Variants in TMEM108 observed in about 807,000 individuals in gnomAD.
TMEM108 encodes transmembrane protein 108.
Under a neutral mutation model 35.1 loss-of-function variants are expected in TMEM108, and 12 were observed. The observed-to-expected ratio is 0.34, with a 90% CI of 0.22 to 0.55. TMEM108 has a LOEUF of 0.55. Ranked by LOEUF, TMEM108 falls within the 20% of genes least tolerant of loss-of-function variation. The pLI is 0.89. For synonymous variants in TMEM108, 287 were observed against 308.6 expected (o/e 0.93, Z 0.73); for missense variants, 680 against 753.3 (o/e 0.90, Z 1.14).
intron 3 of TMEM108, among the ~76,000 whole-genome samples, chr3:133,244,117 G>A (rs997538309): frequency 2.6e-5 from 4 of 152,170 alleles, no homozygotes; most frequent in African/African-American, 9.7e-5. Context: ...TCAGTCATTG[G>A]TTAAGGGCAC....
intron 3 of TMEM108, among the ~76,000 whole-genome samples, chr3:133,326,388 A>C (rs1228421936): frequency 6.6e-6 from 1 of 152,188 alleles, no homozygotes; most frequent in Non-Finnish European, 1.5e-5. Context: ...CCAGGAGGCA[A>C]TTTGATATAA....
At chr3:133,315,551 G>C (rs1226894021) in intron 3 of TMEM108, among the ~76,000 whole-genome samples, 2 of 152,186 alleles carry the variant, frequency 1.3e-5, no homozygotes, top group Non-Finnish European at 2.9e-5. Flanking sequence ...TAAAGAGCCA[G>C]ACAAGATGGG....
chr3:133,261,088 G>A (rs1946616561), intron 3 of TMEM108, among the ~76,000 whole-genome samples: 1 of 152,180 alleles, frequency 6.6e-6, no homozygotes, highest in Non-Finnish European at 1.5e-5. Context: ...GTTGTGGTTA[G>A]AACACACGGA....
intron 3 of TMEM108, among the ~76,000 whole-genome samples, chr3:133,306,552 T>G (rs2071040774): frequency 6.6e-6 from 1 of 152,142 alleles, no homozygotes; most frequent in Admixed American, 6.5e-5. Flanking sequence ...GTGTGTGATG[T>G]TCACCGCCCT....
At chr3:133,243,238 TG>T (rs988918432) in intron 3 of TMEM108, among the ~76,000 whole-genome samples, 2 of 152,086 alleles carry the variant, frequency 1.3e-5, no homozygotes, top group Non-Finnish European at 2.9e-5. Context: ...TGAGAGTGGC[TG>T]GGCAGCTTGC....
chr3:133,370,209 T>G (rs2072618428), intron 3 of TMEM108, among the ~76,000 whole-genome samples: 1 of 149,246 alleles, frequency 6.7e-6, no homozygotes, highest in Admixed American at 6.7e-5. Context: ...GGATACCACA[T>G]TACATTTAGT....
At chr3:133,290,283 T>A (rs1410571685) in intron 3 of TMEM108, among the ~76,000 whole-genome samples, 1 of 152,166 alleles carries the variant, frequency 6.6e-6, no homozygotes, top group Non-Finnish European at 1.5e-5. Context: ...TCTCTCTCTT[T>A]TTTGTTTTCT....
At chr3:133,359,776 G>T (rs1377579527) in intron 3 of TMEM108, among the ~76,000 whole-genome samples, 1 of 152,086 alleles carries the variant, frequency 6.6e-6, no homozygotes, top group African/African-American at 2.4e-5. Flanking sequence ...AAAACAGTTT[G>T]GCAGTTTTTA....
chr3:133,345,144 C>T (rs2071777458), intron 3 of TMEM108, among the ~76,000 whole-genome samples: 1 of 151,720 alleles, frequency 6.6e-6, no homozygotes, highest in Non-Finnish European at 1.5e-5. Flanking sequence ...GCACACCCAA[C>T]AAACTTACAA....
intron 3 of TMEM108, among the ~76,000 whole-genome samples, chr3:133,289,313 A>C (rs2107693929): frequency 6.6e-6 from 1 of 152,264 alleles, no homozygotes; most frequent in Middle Eastern, 3.4e-3. Context: ...AGATGGGAAA[A>C]TTTGCCCAAG....
In TMEM108 at chr3:133,131,622, A is replaced by AT. The variant is rs368037378; in HGVS notation, c.-47+85604dup. ...CAACGGTTCTACTTCTGTCCCTCTC[A>AT]TTGGGCCTCCCTATTCCCTGAGACA... On this transcript the variant is annotated intron_variant, in intron 2 of 5. Coordinates refer to ENST00000321871, the MANE Select transcript of TMEM108 (RefSeq NM_023943.4). 4.8e-3 allele frequency among the ~76,000 whole-genome samples: 720 copies of AT among 151,214 alleles called. 7 individuals are homozygous for AT. The highest frequency in any genetic ancestry group is 0.016 in the African/African-American group (676 of 41,112).
chr3:133,365,563 T>G (rs1162368507), intron 3 of TMEM108, among the ~76,000 whole-genome samples: 1 of 152,182 alleles, frequency 6.6e-6, no homozygotes, highest in South Asian at 2.1e-4. Flanking sequence ...TCCCGCTCTC[T>G]AGGACATAGG....
intron 3 of TMEM108, among the ~76,000 whole-genome samples, chr3:133,263,388 G>A (rs554350222): frequency 1.3e-5 from 2 of 152,228 alleles, no homozygotes; most frequent in East Asian, 1.9e-4. Flanking sequence ...TGTTTGCTAC[G>A]TTTCTATTCT....
At chr3:133,054,293 C>G (rs1402006848) in intron 2 of TMEM108, among the ~76,000 whole-genome samples, 1 of 152,114 alleles carries the variant, frequency 6.6e-6, no homozygotes, top group Non-Finnish European at 1.5e-5. Context: ...GATTCTATCC[C>G]AGTGCTGAGT....
intron 2 of TMEM108, among the ~76,000 whole-genome samples, chr3:133,062,440 G>C (rs915756871): frequency 6.6e-6 from 1 of 152,200 alleles, no homozygotes; most frequent in African/African-American, 2.4e-5. Context: ...AATCAGGATA[G>C]ATTTAAAGGA....
intron 2 of TMEM108, among the ~76,000 whole-genome samples, chr3:133,216,626 G>A (rs375503474): frequency 1.9e-4 from 29 of 152,088 alleles, no homozygotes; most frequent in African/African-American, 4.3e-4. Flanking sequence ...GGTAACCACC[G>A]TTCTACTCTG....
chr3:133,045,150 A>G (rs1166652737), intron 1 of TMEM108, among the ~76,000 whole-genome samples: 1 of 151,932 alleles, frequency 6.6e-6, no homozygotes, highest in Non-Finnish European at 1.5e-5. Flanking sequence ...TGTATTTTTT[A>G]ATAGAGACGG....
chr3:133,251,803 G>A (rs947257371), intron 3 of TMEM108, among the ~76,000 whole-genome samples: 4 of 152,170 alleles, frequency 2.6e-5, no homozygotes, highest in Admixed American at 6.5e-5. Context: ...CTGTGGGAAG[G>A]AAATGTGAAT....
chr3:133,188,196 A>G (rs1407299696), intron 2 of TMEM108, among the ~76,000 whole-genome samples: 1 of 152,272 alleles, frequency 6.6e-6, no homozygotes, highest in East Asian at 1.9e-4. Context: ...TTTCTTGGAA[A>G]CCTTTCCCAT....
Sources: allele counts gnomAD v4.1 joint callset (sites outside exome capture counted in the v4.1 genomes callset), GRCh38; gene constraint gnomAD v4.1.1; transcripts MANE v1.5; gene names NCBI Gene and HGNC (gene_info 2026-07-23, HGNC 2026-07-21).